Variants in CD4 observed in about 807,000 individuals in gnomAD.
CD4 encodes CD4 molecule.
CD4 carries 25 observed loss-of-function variants against 50.5 expected under a neutral mutation model. The ratio of observed to expected loss-of-function variants is 0.49; its 90% confidence interval spans 0.36 to 0.69. The LOEUF (loss-of-function observed/expected upper bound fraction) is 0.69, where lower values mean the gene tolerates loss of function less well. Among genes scored for constraint, CD4 ranks in the 30% least tolerant of loss-of-function variants. The pLI, the probability that CD4 is intolerant of heterozygous loss-of-function variation, is 0.00. For synonymous variants in CD4, 207 were observed against 221.9 expected (o/e 0.93, Z 0.60); for missense variants, 456 against 548.5 (o/e 0.83, Z 1.68).
intron 3 of CD4, among the ~76,000 whole-genome samples, chr12:6,809,182 T>C (rs782256444): frequency 6.6e-6 from 1 of 152,178 alleles, no homozygotes; most frequent in Non-Finnish European, 1.5e-5. Context: ...TCATCAATTA[T>C]GACCTTTCCT....
chr12:6,797,073 C>A (rs1266457531), intron 1 of CD4, among the ~76,000 whole-genome samples: 1 of 152,140 alleles, frequency 6.6e-6, no homozygotes, highest in Non-Finnish European at 1.5e-5. Context: ...ATGACTAGAC[C>A]CACCCCCAGT....
At chr12:6,806,905 C>T (rs1365896618) in intron 3 of CD4, among the ~76,000 whole-genome samples, 2 of 152,208 alleles carry the variant, frequency 1.3e-5, no homozygotes, top group African/African-American at 4.8e-5. Context: ...CGGTAGCTCA[C>T]GCCTGTAATC....
At chr12:6,811,173 T>C (rs1942925651) in intron 3 of CD4, among the ~76,000 whole-genome samples, 1 of 152,194 alleles carries the variant, frequency 6.6e-6, no homozygotes, top group Non-Finnish European at 1.5e-5. Flanking sequence ...TGAGAGGCTT[T>C]AGTCTTAGCC....
In CD4 at chr12:6,792,965, G is replaced by A. The variant is rs973604244; in HGVS notation, c.-68+3303G>A. Among the ~76,000 whole-genome samples the A allele has an allele frequency of 1.2e-4, 18 of 152,052 alleles. No individual in the cohort carries two copies. Among genetic ancestry groups the A allele is most frequent in the Non-Finnish European group, 4.4e-5 (3 of 67,990 alleles). On this transcript the variant is annotated intron_variant, in intron 1 of 9. Coordinates refer to ENST00000011653, the MANE Select transcript of CD4 (RefSeq NM_000616.5). This position sits in a 1 kb window ranked among gnomAD's most constrained non-coding sequence, Gnocchi z 4.1. The stretch of plus-strand genomic sequence containing the variant: ...GTGAGCTGAGAAGCAAGGAGGGAGA[G>A]AGAGAGACAGAAAGAGAGAGAGAGA...
Position 6,815,006 on chromosome 12 carries a change from C to G in CD4, c.607+14C>G, listed in dbSNP as rs782400130. Reference sequence around the variant, plus strand: ...TCGTGGTGCTAGGTAAGGGAAGCCCCTCTTCGCGCAGTCTCCTCCCTGCCC... The same window carrying G: ...TCGTGGTGCTAGGTAAGGGAAGCCCGTCTTCGCGCAGTCTCCTCCCTGCCC... On this transcript the variant is annotated intron_variant, in intron 5 of 9. Transcript: ENST00000011653. The G allele has an allele frequency of 5.2e-5, 81 of 1,570,294 alleles. 1 individual carries two copies. The East Asian group carries it at 1.8e-3, about 35-fold the overall frequency.
At chr12:6,804,297 A>C (rs1388303016) in intron 3 of CD4, among the ~76,000 whole-genome samples, 1 of 152,118 alleles carries the variant, frequency 6.6e-6, no homozygotes, top group African/African-American at 2.4e-5. Flanking sequence ...TGCTCTTACT[A>C]CTCTTATTCA....
At chr12:6,793,088 G>A (rs1000457374) in intron 1 of CD4, among the ~76,000 whole-genome samples, 2 of 152,110 alleles carry the variant, frequency 1.3e-5, no homozygotes, top group Non-Finnish European at 2.9e-5. Context: ...CTCTGGGGAC[G>A]CTGAGTATGG....
At chr12:6,811,640 G>A (rs1942942014) in intron 3 of CD4, among the ~76,000 whole-genome samples, 1 of 150,048 alleles carries the variant, frequency 6.7e-6, no homozygotes, top group Non-Finnish European at 1.5e-5. Context: ...TTACAGGCAT[G>A]CGTCACTATG....
At chr12:6,813,220 AT>A (rs58979580) in intron 3 of CD4, among the ~76,000 whole-genome samples, 15,493 of 135,826 alleles carry the variant, frequency 0.11, 1,352 homozygotes, top group African/African-American at 0.26. Flanking sequence ...ATTAAAAAAA[AT>A]TTTTTTTTTT....
At chr12:6,812,891 A>AT (rs11407429) in intron 3 of CD4, among the ~76,000 whole-genome samples, 151,728 of 151,728 alleles carry the variant, frequency 1, 75,864 homozygotes, top group Non-Finnish European at 1. Context: ...GTCTCAAGCG[A>AT]TCTTGTGCCT....
At chr12:6,810,577 A>G (rs1338956401) in intron 3 of CD4, among the ~76,000 whole-genome samples, 1 of 152,170 alleles carries the variant, frequency 6.6e-6, no homozygotes, top group African/African-American at 2.4e-5. Flanking sequence ...CGGGGAAGAG[A>G]ACCAAAGACA....
chr12:6,791,918 G>C (rs892341039), intron 1 of CD4, among the ~76,000 whole-genome samples: 2 of 152,180 alleles, frequency 1.3e-5, no homozygotes, highest in Non-Finnish European at 2.9e-5. Flanking sequence ...AGAAGTAGGT[G>C]GGCAGGGGTC....
At chr12:6,808,324 C>G (rs11835335) in intron 3 of CD4, among the ~76,000 whole-genome samples, 1 of 148,390 alleles carries the variant, frequency 6.7e-6, no homozygotes, top group East Asian at 2.0e-4. Context: ...TGGTGGCACC[C>G]GCCTGTAGTT....
At chr12:6,797,871 A>T (rs1366688150) in intron 1 of CD4, among the ~76,000 whole-genome samples, 1 of 152,192 alleles carries the variant, frequency 6.6e-6, no homozygotes. Flanking sequence ...GGGTCATTCC[A>T]TTCCCAGGGA....
At chr12:6,793,974 C>CTATCTATG (rs2137834649) in intron 1 of CD4, among the ~76,000 whole-genome samples, 1 of 149,078 alleles carries the variant, frequency 6.7e-6, no homozygotes, top group African/African-American at 2.5e-5. Context: ...CTATCTATAT[C>CTATCTATG]TATCTATCTA....
rs781886210 is a variant in CD4 at position 6,817,382 on chromosome 12, G to A, written c.1156+52G>A. 48 of 1,486,582 alleles carry A rather than the reference G, an allele frequency of 3.2e-5. No homozygotes were observed. In the South Asian group the frequency reaches 3.6e-4, roughly 11 times the overall value. 92.1% of individuals were successfully genotyped at this position (1,486,582 alleles called of 1,614,324 possible). A position where few individuals can be genotyped will look rare whatever the true frequency, so the allele number is the denominator to read the frequency against. ...GCCTCCTGGGCTGCGGGACCTTCCT[G>A]TGGTTGGCAGAGACCACCCAGAGTC... is the stretch of plus-strand genomic sequence containing the variant. On this transcript the variant is annotated intron_variant, in intron 7 of 9. Coordinates refer to ENST00000011653, the MANE Select transcript of CD4 (RefSeq NM_000616.5).
rs28917498 is a variant in CD4 at position 6,813,775 on chromosome 12, C to T, written c.215-367C>T. 2.0e-5 allele frequency among the ~76,000 whole-genome samples: 3 copies of T among 152,250 alleles called. No homozygotes were observed. The East Asian group carries it at 5.8e-4, about 29-fold the overall frequency. On this transcript the variant is annotated intron_variant, in intron 3 of 9. Coordinates refer to ENST00000011653, the MANE Select transcript of CD4 (RefSeq NM_000616.5). ...TAATCTCAATATGTGAGAGTTTAGG[C>T]AGTTACCTAATCTCTCTGAGTCTCA...
chr12:6,812,789 GT>G (rs1942977157), intron 3 of CD4, among the ~76,000 whole-genome samples: 1 of 151,920 alleles, frequency 6.6e-6, no homozygotes, highest in Non-Finnish European at 1.5e-5. Flanking sequence ...GTGTGTGTGT[GT>G]GTGTGTGTGT....
chr12:6,819,392 T>C lies in CD4; in HGVS notation c.*63T>C. On this transcript the variant is annotated 3_prime_UTR_variant, in exon 10 of 10. Coordinates refer to ENST00000011653, the MANE Select transcript of CD4 (RefSeq NM_000616.5). ...AGGTGTCTGCCCCGCGTTTCCTGCC[T>C]GCGGACCAGATGAATGTAGCAGATC... 1 of 1,493,310 alleles carries C rather than the reference T, an allele frequency of 6.7e-7. No individual in the cohort carries two copies. 92.5% of individuals were successfully genotyped at this position (1,493,310 alleles called of 1,614,324 possible). A position where few individuals can be genotyped will look rare whatever the true frequency, so the allele number is the denominator to read the frequency against.
Sources: gnomAD v4.1 joint callset for allele counts (sites outside exome capture counted in the v4.1 genomes callset) on GRCh38, gnomAD v4.1.1 for gene constraint, Gnocchi (gnomAD v3.1) non-coding constraint, MANE v1.5 for transcripts, NCBI Gene and HGNC (gene_info 2026-07-23, HGNC 2026-07-21) for gene names.